Variants in TCF7L2 observed in about 807,000 individuals in gnomAD.
TCF7L2 encodes the protein transcription factor 7-like 2.
Under a neutral mutation model 77.9 loss-of-function variants are expected in TCF7L2, and 23 were observed. The observed-to-expected ratio is 0.30, with a 90% CI of 0.21 to 0.42. The LOEUF (loss-of-function observed/expected upper bound fraction) is 0.42. Ranked by LOEUF, TCF7L2 falls within the 10% of genes least tolerant of loss-of-function variation. The pLI, the probability that TCF7L2 is intolerant of heterozygous loss-of-function variation, is 1.00. For missense variants in TCF7L2, 654 were observed against 793.1 expected (o/e 0.82, Z 2.11); for synonymous variants, 413 against 340.2 (o/e 1.21, Z -2.36).
At chr10:112,978,145 A>G (rs1434911975) in intron 4 of TCF7L2, among the ~76,000 whole-genome samples, 1 of 152,222 alleles carries the variant, frequency 6.6e-6, no homozygotes, top group Non-Finnish European at 1.5e-5. Flanking sequence ...GGGGCATTTG[A>G]TTCTCTATTG....
intron 3 of TCF7L2, among the ~76,000 whole-genome samples, chr10:112,961,791 TTC>T (rs2035298144): frequency 6.7e-6 from 1 of 150,216 alleles, no homozygotes; most frequent in African/African-American, 2.5e-5. Flanking sequence ...GGGTGAGGTT[TTC>T]TGTGTCGCTG....
chr10:113,160,014 C>G, intron 12 of TCF7L2, 22 bp downstream of exon 14: 1 of 1,611,662 alleles, frequency 6.2e-7, no homozygotes, highest in Non-Finnish European at 8.5e-7. Context: ...TTTCCAGATT[C>G]GCTGTGCTGG....
At chr10:113,082,862 T>A (rs1249613988) in intron 5 of TCF7L2, among the ~76,000 whole-genome samples, 1 of 151,952 alleles carries the variant, frequency 6.6e-6, no homozygotes, top group Non-Finnish European at 1.5e-5. Flanking sequence ...ATATGCTGTG[T>A]CAAGCTGAGC....
intron 5 of TCF7L2, among the ~76,000 whole-genome samples, chr10:113,067,250 G>T (rs1432829033): frequency 4.6e-5 from 7 of 152,328 alleles, no homozygotes; most frequent in Middle Eastern, 3.4e-3. Context: ...AGGGGCTCCA[G>T]AAGGACCGGA....
At chr10:113,051,965 T>A (rs1054591782) in intron 5 of TCF7L2, among the ~76,000 whole-genome samples, 4 of 152,218 alleles carry the variant, frequency 2.6e-5, no homozygotes, top group Non-Finnish European at 2.9e-5. Flanking sequence ...CGCTTTAACC[T>A]GTATCGTGTA....
At chr10:112,997,509 C>T (rs1360492653) in intron 4 of TCF7L2, among the ~76,000 whole-genome samples, 1 of 152,202 alleles carries the variant, frequency 6.6e-6, no homozygotes, top group Non-Finnish European at 1.5e-5. Flanking sequence ...ACTTTTCTGT[C>T]ATTCAGAAGC....
intron 4 of TCF7L2, among the ~76,000 whole-genome samples, chr10:112,967,411 A>G (rs1437603595): frequency 6.6e-6 from 1 of 152,134 alleles, no homozygotes; most frequent in Non-Finnish European, 1.5e-5. Context: ...CTGTAATCTC[A>G]GGACTCAGCC....
rs562284117 is a variant in TCF7L2 at position 113,103,162 on chromosome 10, A to G, written c.553-38022A>G. On this transcript the variant is annotated intron_variant, in intron 5 of 13. Coordinates refer to ENST00000627217, the MANE Select transcript of TCF7L2 (RefSeq NM_001146274.2). The stretch of plus-strand genomic sequence containing the variant: ...ACTGGGATTTGAAGGCTGGGTCTTC[A>G]AATGTTGTCCAAACGAGGCTGCCCA... Among the ~76,000 whole-genome samples, 37 of 152,272 alleles carry G rather than the reference A, an allele frequency of 2.4e-4. No individual in the cohort carries two copies. The South Asian group carries it at 7.3e-3, about 30-fold the overall frequency.
intron 4 of TCF7L2, among the ~76,000 whole-genome samples, chr10:113,031,820 C>T (rs919032070): frequency 6.6e-6 from 1 of 152,140 alleles, no homozygotes; most frequent in African/African-American, 2.4e-5. Flanking sequence ...ATTCCTGCAC[C>T]ATTGATTAGC....
chr10:113,069,763 G>C (rs1328581097), intron 5 of TCF7L2, among the ~76,000 whole-genome samples: 1 of 152,182 alleles, frequency 6.6e-6, no homozygotes, highest in African/African-American at 2.4e-5. Context: ...CTCCCTCACA[G>C]GTTCTCGTGT....
chr10:113,116,018 T>G (rs1238528011), intron 5 of TCF7L2, among the ~76,000 whole-genome samples: 1 of 152,212 alleles, frequency 6.6e-6, no homozygotes, highest in Non-Finnish European at 1.5e-5. Flanking sequence ...CAATCCTATT[T>G]TACTCAATGT....
At chr10:113,136,004 T>C (rs922933696) in intron 5 of TCF7L2, among the ~76,000 whole-genome samples, 3 of 152,074 alleles carry the variant, frequency 2.0e-5, no homozygotes, top group Non-Finnish European at 4.4e-5. Flanking sequence ...ATCCCAGTAA[T>C]GCCAGTTTCT....
chr10:113,065,017 T>C (rs1361025544), intron 5 of TCF7L2, among the ~76,000 whole-genome samples: 2 of 152,044 alleles, frequency 1.3e-5, no homozygotes, highest in African/African-American at 4.8e-5. Context: ...GAAGGCTTTG[T>C]GTAGAGGATG....
intron 11 of TCF7L2, among the ~76,000 whole-genome samples, chr10:113,154,612 C>A (rs139983089): frequency 6.6e-6 from 1 of 152,046 alleles, no homozygotes; most frequent in African/African-American, 2.4e-5. Context: ...AAAAGAATAC[C>A]GTGTTTGACT....
chr10:113,162,991 C>G (rs1230942208), intron 13 of TCF7L2, among the ~76,000 whole-genome samples: 1 of 148,782 alleles, frequency 6.7e-6, no homozygotes, highest in Non-Finnish European at 1.5e-5. Context: ...TGCTAAAACT[C>G]ATAGGACAAA....
In TCF7L2 at chr10:113,057,405, A is replaced by T. The variant is rs551706902; in HGVS notation, c.552+17279A>T. Among the ~76,000 whole-genome samples, 3 of 152,270 alleles carry T rather than the reference A, an allele frequency of 2.0e-5. No individual in the cohort carries two copies. The East Asian group carries it at 5.8e-4, about 29-fold the overall frequency. ...AGGCTGGTCTCGAACTCCTGACCTC[A>T]GGTGATCTGCCCTTCTCGGCCTCCC... On this transcript the variant is annotated intron_variant, in intron 5 of 13. Coordinates refer to ENST00000627217, the MANE Select transcript of TCF7L2 (RefSeq NM_001146274.2).
chr10:113,098,021 G>A (rs1490930648), intron 5 of TCF7L2, among the ~76,000 whole-genome samples: 2 of 130,890 alleles, frequency 1.5e-5, no homozygotes, highest in East Asian at 4.4e-4. Flanking sequence ...CTACACTCCA[G>A]CCTGGGTGAC....
At chr10:113,078,681 G>T (rs922310766) in intron 5 of TCF7L2, among the ~76,000 whole-genome samples, 5 of 151,964 alleles carry the variant, frequency 3.3e-5, no homozygotes, top group African/African-American at 1.2e-4. Flanking sequence ...CCAGTTTGTT[G>T]CTCTTTCTGT....
chr10:112,955,222 A>C (rs1412511700), intron 3 of TCF7L2, among the ~76,000 whole-genome samples: 3 of 152,114 alleles, frequency 2.0e-5, no homozygotes, highest in African/African-American at 7.2e-5. Flanking sequence ...AGAACAATAA[A>C]ATGCTTATCG....
Sources: allele counts gnomAD v4.1 joint callset (sites outside exome capture counted in the v4.1 genomes callset), GRCh38; gene constraint gnomAD v4.1.1; transcripts MANE v1.5; gene names NCBI Gene and HGNC (gene_info 2026-07-23, HGNC 2026-07-21).